Variants in ENPP3 observed in about 807,000 individuals in gnomAD.
The protein encoded by ENPP3 is ectonucleotide pyrophosphatase/phosphodiesterase 3.
ENPP3 carries 104 observed loss-of-function variants against 117.8 expected under a neutral mutation model. The observed-to-expected ratio is 0.88, with a 90% CI of 0.75 to 1.04. The LOEUF is 1.04. ENPP3 is among the 50% of genes least tolerant of loss of function. The pLI, the probability that ENPP3 is intolerant of heterozygous loss-of-function variation, is 0.00. For missense variants in ENPP3, 1,026 were observed against 1,051.9 expected (o/e 0.98, Z 0.34); for synonymous variants, 380 against 349.9 (o/e 1.09, Z -0.96).
At chr6:131,651,654 G>T (rs1195871193) in intron 3 of ENPP3, among the ~76,000 whole-genome samples, 1 of 152,198 alleles carries the variant, frequency 6.6e-6, no homozygotes, top group East Asian at 1.9e-4. Context: ...AATAATCTGG[G>T]AAGGTGGTGG....
chr6:131,722,389 G>T lies in ENPP3; in HGVS notation c.1730G>T (p.Cys577Phe). The T allele has an allele frequency of 6.2e-7, 1 of 1,613,244 alleles. No individual in the cohort carries two copies. Among genetic ancestry groups the T allele is most frequent in the South Asian group, 1.1e-5 (1 of 90,852 alleles). The stretch of plus-strand genomic sequence containing the variant: ...CCCACAGAGTCTCTTGACTGTTTCT[G>T]CCCTCACCTACAAAATGTAAGTAAC... Reference protein sequence around the residue: ...PLPTESLDCFCPHLQNSTQLE... With the variant: ...PLPTESLDCFFPHLQNSTQLE... The change falls in exon 18 of 25, where the codon TGC (cysteine) becomes TTC (phenylalanine). Residue 577 changes from cysteine (C) to phenylalanine (F), a missense_variant. Transcript: ENST00000357639.
chr6:131,637,487 C>T (rs767244207), intron 1 of ENPP3, 25 bp downstream of exon 1: 1 of 1,319,974 alleles, frequency 7.6e-7, no homozygotes, highest in Admixed American at 2.0e-5. Context: ...TATTTTTAGT[C>T]TTTCTAGTTT....
intron 1 of ENPP3, 149 bp downstream of exon 1, chr6:131,637,611 C>A (rs910961286): frequency 2.3e-6 from 1 of 428,306 alleles, no homozygotes; most frequent in Admixed American, 4.4e-5. Flanking sequence ...AACTCTAATG[C>A]AAATTAATAT....
intron 21 of ENPP3, among the ~76,000 whole-genome samples, 181 bp from the exon 22 acceptor site, chr6:131,737,174 C>T (rs866518044): frequency 2.0e-5 from 3 of 152,160 alleles, no homozygotes; most frequent in East Asian, 1.9e-4. Context: ...TTTTGGATCA[C>T]ACTTCAACCC....
chr6:131,742,702 TA>T (rs5880077), intron 24 of ENPP3, among the ~76,000 whole-genome samples: 54,166 of 151,742 alleles, frequency 0.36, 10,288 homozygotes, highest in African/African-American at 0.47. Context: ...CCTTACAGGC[TA>T]TAAGTTCCAG....
intron 11 of ENPP3, among the ~76,000 whole-genome samples, chr6:131,679,055 T>C (rs184350082): frequency 0.014 from 1,823 of 127,162 alleles, 166 homozygotes; most frequent in African/African-American, 0.059. Context: ...CTTTCTTTCT[T>C]TCTTTCTTTC....
intron 5 of ENPP3, among the ~76,000 whole-genome samples, chr6:131,654,064 C>A (rs1778323628): frequency 6.6e-6 from 1 of 151,766 alleles, no homozygotes; most frequent in African/African-American, 2.4e-5. Flanking sequence ...GAAAGGAATA[C>A]CTGGCTTTAG....
chr6:131,675,344 C>A, intron 9 of ENPP3, 155 bp downstream of exon 9: 1 of 587,806 alleles, frequency 1.7e-6, no homozygotes, highest in Non-Finnish European at 3.0e-6. Flanking sequence ...CTCAAGCAGT[C>A]TCTCAGTAAA....
chr6:131,700,532 A>T, intron 15 of ENPP3: 1 of 1,364,434 alleles, frequency 7.3e-7, no homozygotes. Context: ...AGTTCCTAAG[A>T]CTACAGATAA....
Position 131,733,960 on chromosome 6 carries a change from C to T in ENPP3, c.2089+237C>T, listed in dbSNP as rs374363762. ...ATCTGGCCCAGATGTTTAGAGAGTT[C>T]GGCAGGTTTAAGTTTAATTTTAAAA... On this transcript the variant is annotated intron_variant, in intron 21 of 24. Coordinates refer to ENST00000357639, the MANE Select transcript of ENPP3 (RefSeq NM_005021.5). Among the ~76,000 whole-genome samples, 223 of 152,208 alleles carry T rather than the reference C, an allele frequency of 1.5e-3. 7 individuals are homozygous for T. In the South Asian group the frequency reaches 0.044, roughly 30 times the overall value.
chr6:131,713,061 G>T (rs1390251465), intron 15 of ENPP3, among the ~76,000 whole-genome samples: 1 of 133,398 alleles, frequency 7.5e-6, no homozygotes, highest in Non-Finnish European at 1.5e-5. Flanking sequence ...TCATGGGGGT[G>T]GGTCTTTCCC....
chr6:131,671,262 C>A lies in ENPP3; in HGVS notation c.577C>A (p.His193Asn). ...TTCTGTTGCAGAAACATGTGGAATT[C>A]ATTCAAAATACATGAGAGCTATGTA... ...NINKLKTCGIHSKYMRAMYPT... is the reference protein window; with the variant it reads ...NINKLKTCGINSKYMRAMYPT... Residue 193 changes from histidine (H) to asparagine (N), a missense_variant, in exon 7 of 25, where the codon CAT becomes AAT. Physicochemically the swap from His to Asn is moderately conservative, Grantham distance 68. Transcript: ENST00000357639. 2 of 1,591,486 alleles carry A rather than the reference C, an allele frequency of 1.3e-6. No individual in the cohort carries two copies. Among genetic ancestry groups the A allele is most frequent in the South Asian group, 1.1e-5 (1 of 90,154 alleles).
chr6:131,667,943 C>A (rs956419533), intron 6 of ENPP3, among the ~76,000 whole-genome samples: 2 of 152,128 alleles, frequency 1.3e-5, no homozygotes, highest in African/African-American at 4.8e-5. Flanking sequence ...AAGACTGAAG[C>A]CCCTGCAGAG....
chr6:131,682,359 TG>T (rs1779040721), intron 11 of ENPP3, among the ~76,000 whole-genome samples: 1 of 151,998 alleles, frequency 6.6e-6, no homozygotes, highest in South Asian at 2.1e-4. Context: ...CCAGGCATGA[TG>T]GTGTCCACCT....
At chr6:131,695,180 G>C (rs1779377778) in intron 15 of ENPP3, among the ~76,000 whole-genome samples, 2 of 152,124 alleles carry the variant, frequency 1.3e-5, no homozygotes, top group African/African-American at 2.4e-5. Context: ...ACATACAACT[G>C]TTAGTAATTT....
At chr6:131,718,992 C>T (rs1185013939) in intron 16 of ENPP3, among the ~76,000 whole-genome samples, 1 of 151,868 alleles carries the variant, frequency 6.6e-6, no homozygotes, top group African/African-American at 2.4e-5. Flanking sequence ...CCTCACGAAG[C>T]TTTTATTCTA....
chr6:131,697,581 C>A (rs1224822647), intron 15 of ENPP3, among the ~76,000 whole-genome samples: 1 of 151,742 alleles, frequency 6.6e-6, no homozygotes, highest in Non-Finnish European at 1.5e-5. Context: ...TGTTTTCCTG[C>A]AACTAGATGG....
In ENPP3 at chr6:131,654,894, T is replaced by C. The variant is rs1778352386; in HGVS notation, c.464+2003T>C. ...GGAAGAGTAAAGGATTAGAATAAAA[T>C]GAGAGGAGTTTGAGTCCTGATTTTG... is the stretch of plus-strand genomic sequence containing the variant. On this transcript the variant is annotated intron_variant, in intron 5 of 24. Coordinates refer to ENST00000357639, the MANE Select transcript of ENPP3 (RefSeq NM_005021.5). 4.6e-5 allele frequency among the ~76,000 whole-genome samples: 7 copies of C among 152,202 alleles called. No individual in the cohort carries two copies. In the South Asian group the frequency reaches 1.5e-3, roughly 32 times the overall value.
chr6:131,727,762 CA>C (rs990297195), intron 20 of ENPP3, among the ~76,000 whole-genome samples: 3 of 152,122 alleles, frequency 2.0e-5, no homozygotes, highest in Non-Finnish European at 2.9e-5. Context: ...CTATACCACC[CA>C]CCACATGGGT....
Sources: allele counts gnomAD v4.1 joint callset (sites outside exome capture counted in the v4.1 genomes callset), GRCh38; gene constraint gnomAD v4.1.1; transcripts MANE v1.5; gene names NCBI Gene and HGNC (gene_info 2026-07-23, HGNC 2026-07-21).